SGMS2: variants seen among roughly 807,000 people sequenced by gnomAD.
The protein encoded by SGMS2 is sphingomyelin synthase 2.
A neutral mutation model predicts 43.8 loss-of-function variants in SGMS2; 21 were observed. The ratio of observed to expected loss-of-function variants is 0.48; its 90% CI spans 0.34 to 0.69. The LOEUF (loss-of-function observed/expected upper bound fraction) is 0.69, where lower values mean the gene tolerates loss of function less well. SGMS2 is among the 30% of genes least tolerant of loss of function. The pLI, the probability that SGMS2 is intolerant of heterozygous loss-of-function variation, is 0.01. For synonymous variants in SGMS2, 167 were observed against 160.6 expected (o/e 1.04, Z -0.30); for missense variants, 384 against 443.2 (o/e 0.87, Z 1.20).
At chr4:107,858,012 C>T (rs534074632) in intron 1 of SGMS2, among the ~76,000 whole-genome samples, 2 of 151,716 alleles carry the variant, frequency 1.3e-5, no homozygotes, top group Non-Finnish European at 3.0e-5. Context: ...GCTGCCCCAC[C>T]CCCCCCATCC....
chr4:107,909,130 G>A (rs940645333), intron 6 of SGMS2, among the ~76,000 whole-genome samples: 29 of 148,558 alleles, frequency 2.0e-4, no homozygotes, highest in African/African-American at 7.2e-4. Context: ...TTTTGAGACA[G>A]AGTCTTGTTC....
At chr4:107,860,769 C>T (rs374808104) in intron 2 of SGMS2, among the ~76,000 whole-genome samples, 16 of 152,274 alleles carry the variant, frequency 1.1e-4, no homozygotes, top group South Asian at 4.1e-4. Context: ...AGGTAATCCG[C>T]CTGCCTCGGC....
chr4:107,906,052 A>C (rs1394933808), intron 5 of SGMS2, among the ~76,000 whole-genome samples: 2 of 152,214 alleles, frequency 1.3e-5, no homozygotes, highest in African/African-American at 4.8e-5. Context: ...AGAGCATTCC[A>C]TGTTTGTGTC....
At chr4:107,889,382 C>T (rs1730019342) in intron 2 of SGMS2, among the ~76,000 whole-genome samples, 1 of 152,114 alleles carries the variant, frequency 6.6e-6, no homozygotes, top group Admixed American at 6.5e-5. Flanking sequence ...AGAATGTATG[C>T]TGGCAATTCT....
In SGMS2 at chr4:107,897,680, G is replaced by A. The variant is rs577016201; in HGVS notation, c.455+1672G>A. On this transcript the variant is annotated intron_variant, in intron 3 of 6. Coordinates refer to ENST00000690982, the MANE Select transcript of SGMS2 (RefSeq NM_001375905.1). The stretch of plus-strand genomic sequence containing the variant: ...AGATTTTCAACATGTCCAAACACAC[G>A]GTCACATAGCCAGACCATAAATTTT... Among the ~76,000 whole-genome samples the A allele has an allele frequency of 4.6e-5, 7 of 152,140 alleles. No individual in the cohort carries two copies. In the East Asian group the frequency reaches 1.2e-3, roughly 25 times the overall value.
intron 1 of SGMS2, among the ~76,000 whole-genome samples, chr4:107,840,357 A>G (rs1039113693): frequency 6.6e-6 from 1 of 152,210 alleles, no homozygotes; most frequent in African/African-American, 2.4e-5. Context: ...TTGGGTGGTC[A>G]GTGTTGTACA....
chr4:107,854,137 A>G (rs1300410859), intron 1 of SGMS2, among the ~76,000 whole-genome samples: 1 of 152,246 alleles, frequency 6.6e-6, no homozygotes, highest in African/African-American at 2.4e-5. Flanking sequence ...ATGCTTTGCC[A>G]GATGGAATGA....
chr4:107,853,415 A>G (rs1727261200), intron 1 of SGMS2, among the ~76,000 whole-genome samples: 1 of 152,168 alleles, frequency 6.6e-6, no homozygotes, highest in Non-Finnish European at 1.5e-5. Context: ...GAAAGTACCC[A>G]TCTAAATTAG....
At chr4:107,881,581 T>G (rs2126083583) in intron 2 of SGMS2, among the ~76,000 whole-genome samples, 1 of 152,320 alleles carries the variant, frequency 6.6e-6, no homozygotes, top group Non-Finnish European at 1.5e-5. Context: ...ATCCATCACT[T>G]CAAGCATTCA....
rs34350155 is a variant in SGMS2 at position 107,908,620 on chromosome 4, C to T, written c.783C>T (p.Ala261=). The change falls in exon 6 of 7, where the codon GCC becomes GCT. Residue 261 remains alanine (A), a synonymous_variant. Transcript: ENST00000690982. ...YHLICWLLSA[A]GIICILVAHE... ...TAATCTGCTGGCTGCTGAGTGCTGC[C>T]GGGATCATCTGCATTCTTGTAGCAC... The T allele has an allele frequency of 2.2e-4, 351 of 1,613,908 alleles. 1 individual carries two copies. Among genetic ancestry groups the T allele is most frequent in the Non-Finnish European group, 2.4e-4 (285 of 1,179,972 alleles).
intron 1 of SGMS2, among the ~76,000 whole-genome samples, chr4:107,836,777 G>A (rs536945356): frequency 5.3e-5 from 8 of 152,244 alleles, no homozygotes; most frequent in African/African-American, 1.9e-4. Flanking sequence ...AACATTACTT[G>A]ATATCAAATA....
At chr4:107,873,218 T>C (rs1289943454) in intron 2 of SGMS2, 2 of 152,202 alleles carry the variant, frequency 1.3e-5, no homozygotes, top group South Asian at 2.1e-4. Context: ...GTTCTTATTA[T>C]TGGTAATTTG....
At chr4:107,831,423 A>G (rs1247069778) in intron 1 of SGMS2, among the ~76,000 whole-genome samples, 1 of 152,094 alleles carries the variant, frequency 6.6e-6, no homozygotes, top group African/African-American at 2.4e-5. Flanking sequence ...CCACAGGTGA[A>G]CCTCCATTTC....
chr4:107,910,538 T>C lies in SGMS2; in HGVS notation c.1083T>C (p.Asn361=), dbSNP rs772248753. Reference sequence around the variant, plus strand: ...GGGTTCAGAAGATTGGTGAAGACAATGAGAAATCGACCTGAGGAGCAAAAC... The same window carrying C: ...GGGTTCAGAAGATTGGTGAAGACAACGAGAAATCGACCTGAGGAGCAAAAC... ...YSRVQKIGED[N]EKST Residue 361 remains asparagine (N), a synonymous_variant, in exon 7 of 7, where the codon AAT becomes AAC. Coordinates refer to ENST00000690982, the MANE Select transcript of SGMS2 (RefSeq NM_001375905.1). The C allele has an allele frequency of 3.7e-6, 6 of 1,613,756 alleles. No homozygotes were observed. The highest frequency in any genetic ancestry group is 5.1e-6 in the Non-Finnish European group (6 of 1,179,836).
chr4:107,860,471 G>A (rs1433638392), intron 2 of SGMS2, among the ~76,000 whole-genome samples: 1 of 151,718 alleles, frequency 6.6e-6, no homozygotes, highest in African/African-American at 2.4e-5. Flanking sequence ...CAGGTCATAA[G>A]GTGTATGTGT....
chr4:107,854,318 T>C lies in SGMS2; in HGVS notation c.-326-4154T>C, dbSNP rs552612302. The stretch of plus-strand genomic sequence containing the variant: ...TAACTAGTCTTTTAAAGAAAAGTTA[T>C]CTACTGTCCAATTTACAATAAAACA... On this transcript the variant is annotated intron_variant, in intron 1 of 6. Coordinates refer to ENST00000690982, the MANE Select transcript of SGMS2 (RefSeq NM_001375905.1). Among the ~76,000 whole-genome samples the C allele has an allele frequency of 4.7e-4, 72 of 152,380 alleles. 2 individuals carry two copies. Among genetic ancestry groups the C allele is most frequent in the Admixed American group, 4.6e-3 (70 of 15,302 alleles).
chr4:107,902,087 T>G (rs1731161967), intron 4 of SGMS2, among the ~76,000 whole-genome samples: 1 of 123,238 alleles, frequency 8.1e-6, no homozygotes, highest in Non-Finnish European at 1.7e-5. Flanking sequence ...TGTTTTTTCC[T>G]TTTTTTTTTT....
intron 1 of SGMS2, among the ~76,000 whole-genome samples, chr4:107,840,607 T>C (rs991047205): frequency 1.3e-5 from 2 of 152,164 alleles, no homozygotes; most frequent in Non-Finnish European, 2.9e-5. Context: ...AAAAGTTCCA[T>C]GTTGATATGC....
intron 2 of SGMS2, among the ~76,000 whole-genome samples, chr4:107,862,386 T>G (rs1727786181): frequency 6.6e-6 from 1 of 152,234 alleles, no homozygotes; most frequent in South Asian, 2.1e-4. Context: ...CTACTTATAT[T>G]GTGCTAATCA....
Sources: gnomAD v4.1 joint callset for allele counts (sites outside exome capture counted in the v4.1 genomes callset) on GRCh38, gnomAD v4.1.1 for gene constraint, MANE v1.5 for transcripts, NCBI Gene and HGNC (gene_info 2026-07-23, HGNC 2026-07-21) for gene names.